Variants in DENND4A observed in about 807,000 individuals in gnomAD.
DENND4A encodes the protein DENN domain containing 4A.
A neutral mutation model predicts 199.3 loss-of-function variants in DENND4A; 70 were observed. That is an observed-to-expected ratio of 0.35 (90% CI 0.29 to 0.43). DENND4A has a LOEUF of 0.43. Among genes scored for constraint, DENND4A ranks in the 20% least tolerant of loss-of-function variants. The pLI is 1.00. For synonymous variants in DENND4A, 686 were observed against 766.9 expected (o/e 0.89, Z 1.74); for missense variants, 1,723 against 2,255.8 (o/e 0.76, Z 4.78).
In DENND4A at chr15:65,701,192, C is replaced by T; in HGVS notation, c.2560G>A (p.Ala854Thr). 6.4e-7 allele frequency: 1 copy of T among 1,564,686 alleles called. No individual in the cohort carries two copies. The highest frequency in any genetic ancestry group is 1.4e-5 in the African/African-American group (1 of 72,282). The part of the protein sequence containing the change: ...NAITYGYYNK[A>T]VLESTWPSRS... ...GAAGGCCAGGTACTTTCCAAAACAG[C>T]CTATTCATTCAACAAAATAAAATAA... Residue 854 changes from alanine to threonine, a missense_variant and splice_region_variant, in exon 19 of 33, where the codon GCT becomes ACT. Physicochemically the swap from Ala to Thr is moderately conservative, Grantham distance 58 (BLOSUM62 0). Coordinates refer to ENST00000443035, the MANE Select transcript of DENND4A (RefSeq NM_001320835.1).
At chr15:65,729,712 AT>A in intron 9 of DENND4A, 34 bp from the exon 10 acceptor site, 3 of 1,531,424 alleles carry the variant, frequency 2.0e-6, no homozygotes, top group Non-Finnish European at 2.6e-6. Flanking sequence ...TAATTAAAAA[AT>A]AATGATCCAA....
chr15:65,732,231 T>A (rs939418982), intron 8 of DENND4A, among the ~76,000 whole-genome samples: 5 of 152,136 alleles, frequency 3.3e-5, no homozygotes, highest in African/African-American at 1.2e-4. Flanking sequence ...TAAAACAATC[T>A]TTTGTGTGTA....
At chr15:65,704,621 C>T (rs936653906) in intron 15 of DENND4A, among the ~76,000 whole-genome samples, 8 of 152,046 alleles carry the variant, frequency 5.3e-5, no homozygotes, top group East Asian at 1.9e-4. Flanking sequence ...GATAGAGTCT[C>T]GTTCTGTCAC....
Position 65,676,494 on chromosome 15 carries a change from C to T in DENND4A, c.4320G>A (p.Lys1440=), listed in dbSNP as rs764629293. 1.2e-6 allele frequency: 2 copies of T among 1,613,112 alleles called. No homozygotes were observed. Among genetic ancestry groups the T allele is most frequent in the East Asian group, 2.2e-5 (1 of 44,822 alleles). The stretch of plus-strand genomic sequence containing the variant: ...GGCTTATTCGGCTGAGATCAATTCT[C>T]TTAGTCCCTGAAGTAGCACTGGTCT... ...SQETSATSGT[K]RIDLSRISLE... Residue 1440 remains lysine, a synonymous_variant, in exon 24 of 33, where the codon AAG becomes AAA. Coordinates refer to ENST00000443035, the MANE Select transcript of DENND4A (RefSeq NM_001320835.1).
intron 25 of DENND4A, among the ~76,000 whole-genome samples, chr15:65,670,776 G>A (rs2076191933): frequency 6.6e-6 from 1 of 152,170 alleles, no homozygotes; most frequent in Non-Finnish European, 1.5e-5. Context: ...AACTATAAAT[G>A]CTATCATTAT....
At position 65,665,358 on chromosome 15, in the gene DENND4A, G is replaced by A; in HGVS notation, c.5346C>T (p.Leu1782=). The change falls in exon 30 of 33, where the codon CTC becomes CTT. Residue 1782 remains leucine (L), a synonymous_variant. Coordinates refer to ENST00000443035, the MANE Select transcript of DENND4A (RefSeq NM_001320835.1). ...GATGGCACTTACTGTGTGCATTCCA[G>A]AGAATGTACAAGGGCTGTCCCGGAT... ...HQDPGQPLYI[L]WNAHTQKYPM... is the part of the protein sequence containing the mutation. 4 of 1,612,630 alleles carry A rather than the reference G, an allele frequency of 2.5e-6. No individual in the cohort carries two copies. Among genetic ancestry groups the A allele is most frequent in the East Asian group, 2.2e-5 (1 of 44,850 alleles).
intron 2 of DENND4A, among the ~76,000 whole-genome samples, chr15:65,757,505 A>G (rs1045691692): frequency 2.6e-5 from 4 of 152,166 alleles, no homozygotes; most frequent in African/African-American, 7.2e-5. Context: ...ACTCCCAGCC[A>G]AAGAGTGGTT....
chr15:65,716,242 T>C (rs1036218767), intron 13 of DENND4A, among the ~76,000 whole-genome samples: 1 of 151,812 alleles, frequency 6.6e-6, no homozygotes, highest in African/African-American at 2.4e-5. Flanking sequence ...TTTTCTTTTA[T>C]TTTTCTTTTA....
rs758446431 is a variant in DENND4A, at chr15:65,741,703, A to C, written c.631+12T>G. On this transcript the variant is annotated intron_variant, in intron 5 of 32. Transcript: ENST00000443035. ...TTTATATATGAAGTATTGCATGAAA[A>C]ATTACACTTACCAGCTTTGTAAGAT... is the stretch of plus-strand genomic sequence containing the variant. 38 of 1,610,560 alleles carry C rather than the reference A, an allele frequency of 2.4e-5. No individual in the cohort carries two copies. Among genetic ancestry groups the C allele is most frequent in the Non-Finnish European group, 3.2e-5 (38 of 1,177,770 alleles).
chr15:65,668,820 C>CAA (rs1035484813), intron 27 of DENND4A, among the ~76,000 whole-genome samples: 2 of 112,212 alleles, frequency 1.8e-5, no homozygotes, highest in African/African-American at 3.4e-5. Flanking sequence ...GACTCTGTCT[C>CAA]AAAAAAAAAA....
At chr15:65,689,974 ATACT>A (rs2076917078) in intron 23 of DENND4A, among the ~76,000 whole-genome samples, 1 of 152,308 alleles carries the variant, frequency 6.6e-6, no homozygotes, top group African/African-American at 2.4e-5. Flanking sequence ...CTTTAAACAG[ATACT>A]TTCTCTATTT....
chr15:65,722,093 GGTGAAAAGCTC>G (rs2075664397), intron 12 of DENND4A, among the ~76,000 whole-genome samples: 1 of 152,262 alleles, frequency 6.6e-6, no homozygotes, highest in Admixed American at 6.5e-5. Context: ...ATCCACTGAA[GGTGAAAAGCTC>G]TTACCCCACT....
At chr15:65,663,817 CTTT>C (rs78087333) in intron 32 of DENND4A, among the ~76,000 whole-genome samples, 1 of 143,300 alleles carries the variant, frequency 7.0e-6, no homozygotes, top group African/African-American at 2.5e-5. Context: ...ATCTGGCTAA[CTTT>C]TTTTTTTTTT....
chr15:65,733,501 T>C (rs910886689), intron 7 of DENND4A, among the ~76,000 whole-genome samples: 1 of 152,192 alleles, frequency 6.6e-6, no homozygotes, highest in Non-Finnish European at 1.5e-5. Context: ...ATCATCTTGG[T>C]TTCAGAATGG....
intron 20 of DENND4A, among the ~76,000 whole-genome samples, chr15:65,699,517 T>C (rs1489142018): frequency 6.6e-6 from 1 of 151,292 alleles, no homozygotes; most frequent in Non-Finnish European, 1.5e-5. Flanking sequence ...CACTGAAGTA[T>C]ACAATTCTAT....
intron 7 of DENND4A, among the ~76,000 whole-genome samples, chr15:65,736,277 G>C (rs533543352): frequency 7.2e-5 from 11 of 151,942 alleles, no homozygotes; most frequent in African/African-American, 2.7e-4. Context: ...TATTTTTTTG[G>C]AGATGGAGTC....
Position 65,691,200 on chromosome 15 carries a change from TTAA to T in DENND4A, c.3391_3393del (p.Leu1131del). The T allele has an allele frequency of 1.2e-6, 2 of 1,613,480 alleles. No homozygotes were observed. Among genetic ancestry groups the T allele is most frequent in the Non-Finnish European group, 1.7e-6 (2 of 1,179,690 alleles). On this transcript the variant is annotated inframe_deletion, in exon 23 of 33. Coordinates refer to ENST00000443035, the MANE Select transcript of DENND4A (RefSeq NM_001320835.1). ...TTTTCTAGACTGTCTCTTTTTGATC[TTAA>T]AGGTGGCTTCCCAATATCAAGAGTA...
At chr15:65,715,313 T>C in intron 14 of DENND4A, 165 bp downstream of exon 14, 1 of 572,600 alleles carries the variant, frequency 1.7e-6, no homozygotes, top group Non-Finnish European at 2.9e-6. Context: ...AAGAGGTGCA[T>C]TCTATAATTT....
Position 65,757,538 on chromosome 15 carries a change from CAG to C in DENND4A, c.-22-1068_-22-1067del, listed in dbSNP as rs567621267. On this transcript the variant is annotated intron_variant, in intron 2 of 32. Coordinates refer to ENST00000443035, the MANE Select transcript of DENND4A (RefSeq NM_001320835.1). ...GTTTTAAAAGACCTATCCACTGACA[CAG>C]GGAGATAATAAAGTTGTAGGGAGGG... Among the ~76,000 whole-genome samples, 284 of 152,256 alleles carry C rather than the reference CAG, an allele frequency of 1.9e-3. 2 individuals are homozygous for C. Among genetic ancestry groups the C allele is most frequent in the East Asian group, 0.011 (58 of 5,182 alleles).
Sources: allele counts gnomAD v4.1 joint callset (sites outside exome capture counted in the v4.1 genomes callset), GRCh38; gene constraint gnomAD v4.1.1; transcripts MANE v1.5; gene names NCBI Gene and HGNC (gene_info 2026-07-23, HGNC 2026-07-21).